The following DNAH7 variants were observed in gnomAD, a reference collection of about 807,000 sequenced individuals.
DNAH7 encodes the protein axonemal beta dynein heavy chain 7.
In DNAH7, 397 loss-of-function variants were observed where a neutral mutation model predicts 444.6. The observed-to-expected ratio is 0.89, with a 90% CI of 0.82 to 0.97. DNAH7 has a LOEUF of 0.97. Among genes scored for constraint, DNAH7 ranks in the 50% least tolerant of loss-of-function variants. DNAH7 has a pLI of 0.00. For missense variants in DNAH7, 4,902 were observed against 4,800.8 expected (o/e 1.02, Z -0.62); for synonymous variants, 1,636 against 1,624.4 (o/e 1.01, Z -0.17).
Position 196,068,429 on chromosome 2 carries a change from G to A in DNAH7, c.15+268C>T. On this transcript the variant is annotated intron_variant, in intron 1 of 64. Transcript: ENST00000312428. ...ACACCGCCATTAGCACTCTGGGGGT[G>A]CTCTGGGCTGTGGCTCCCCCTGCTG... The A allele has an allele frequency of 3.7e-6, 2 of 536,958 alleles. 1 individual carries two copies. The highest frequency in any genetic ancestry group is 5.3e-5 in the South Asian group (2 of 37,414). 33.3% of individuals were successfully genotyped at this position (536,958 alleles called of 1,614,324 possible).
intron 6 of DNAH7, among the ~76,000 whole-genome samples, chr2:196,027,627 C>T (rs964410366): frequency 4.0e-5 from 6 of 151,814 alleles, no homozygotes; most frequent in African/African-American, 1.2e-4. Flanking sequence ...TCCTAAAGTA[C>T]GTTAATATGC....
Position 195,858,790 on chromosome 2 carries a change from A to G in DNAH7, c.7751T>C (p.Met2584Thr), listed in dbSNP as rs1699863512. ...CAAACCCACTTCATATCTCTTTTTC[A>G]TTTTCATTACTTCACTGGAAGGAAA... is the stretch of plus-strand genomic sequence containing the variant. ...LEKKRSEVMK[M>T]KKRYEVGLEK... Residue 2584 changes from methionine (M) to threonine (T), a missense_variant, in exon 43 of 65, where the codon ATG becomes ACG. Coordinates refer to ENST00000312428, the MANE Select transcript of DNAH7 (RefSeq NM_018897.3). 1.2e-6 allele frequency: 2 copies of G among 1,606,136 alleles called. No individual in the cohort carries two copies. Among genetic ancestry groups the G allele is most frequent in the East Asian group, 4.5e-5 (2 of 44,784 alleles).
At chr2:196,024,597 T>G in intron 7 of DNAH7, 93 bp from the exon 8 acceptor site, 1 of 660,314 alleles carries the variant, frequency 1.5e-6, no homozygotes, top group Non-Finnish European at 2.3e-6. Context: ...TAAGATTAAC[T>G]GTTTAAATTA....
At chr2:196,064,356 AATAAATAAAT>A (rs1334431017) in intron 1 of DNAH7, among the ~76,000 whole-genome samples, 2 of 147,954 alleles carry the variant, frequency 1.4e-5, no homozygotes, top group African/African-American at 5.0e-5. Flanking sequence ...AATAATAAAT[AATAAATAAAT>A]AATAAAAAGA....
At chr2:195,756,085 T>A (rs374237635) in intron 62 of DNAH7, 48 bp downstream of exon 62, 1 of 1,538,120 alleles carries the variant, frequency 6.5e-7, no homozygotes, top group African/African-American at 1.4e-5. Context: ...ACGAAGAAAA[T>A]GAAACCAGGA....
chr2:195,785,674 T>C (rs1287849941), intron 58 of DNAH7, among the ~76,000 whole-genome samples: 2 of 151,712 alleles, frequency 1.3e-5, no homozygotes. Flanking sequence ...GATATGATCA[T>C]GTGGTTTTTC....
chr2:195,863,828 C>A (rs1331971629), intron 41 of DNAH7, among the ~76,000 whole-genome samples: 14 of 152,174 alleles, frequency 9.2e-5, no homozygotes, highest in Admixed American at 9.2e-4. Flanking sequence ...ACCCTGCCTA[C>A]CCCTCTGTGA....
chr2:195,847,719 C>T (rs1316799499), intron 46 of DNAH7, among the ~76,000 whole-genome samples: 2 of 152,082 alleles, frequency 1.3e-5, no homozygotes, highest in East Asian at 1.9e-4. Context: ...CAAGTATTTT[C>T]TTTATGTTAC....
chr2:195,835,571 T>C (rs1698324731), intron 47 of DNAH7, among the ~76,000 whole-genome samples: 1 of 152,048 alleles, frequency 6.6e-6, no homozygotes, highest in South Asian at 2.1e-4. Flanking sequence ...TTAGGCCGGG[T>C]GCGGTAGCTC....
chr2:195,858,754 TCCAGTTTCTCCAAAC>T lies in DNAH7; in HGVS notation c.7772_7786del (p.Gly2591_Leu2595del), dbSNP rs769187468. 2.5e-6 allele frequency: 4 copies of T among 1,613,610 alleles called. No homozygotes were observed. The African/African-American group carries it at 5.3e-5, about 22-fold the overall frequency. ...TGTGGCTACTTGAGATGAAGCAGAA[TCCAGTTTCTCCAAAC>T]CCACTTCATATCTCTTTTTCATTTT... On this transcript the variant is annotated inframe_deletion, in exon 43 of 65. Transcript: ENST00000312428.
At chr2:195,912,740 T>C (rs766323953) in intron 24 of DNAH7, among the ~76,000 whole-genome samples, 1 of 152,206 alleles carries the variant, frequency 6.6e-6, no homozygotes, top group Non-Finnish European at 1.5e-5. Context: ...CACAAGACAC[T>C]TGTCACATAT....
In DNAH7 at chr2:195,816,753, G is replaced by A. The variant is rs201071016; in HGVS notation, c.9636C>T (p.Ile3212=). Residue 3212 remains isoleucine, a synonymous_variant, in exon 51 of 65, where the codon ATC becomes ATT. Transcript: ENST00000312428. ...CTAAATCAGCAAGAGAAAAAAATAGGATGGAAGAATGGATGGCAATAGGAC... is the reference window on the plus strand; with the variant it reads ...CTAAATCAGCAAGAGAAAAAAATAGAATGGAAGAATGGATGGCAATAGGAC... ...GYRPIAIHSS[I]LFFSLADLAN... 3.7e-6 allele frequency: 6 copies of A among 1,614,148 alleles called. No individual in the cohort carries two copies. The Admixed American group carries it at 8.3e-5, about 22-fold the overall frequency.
chr2:195,977,531 A>C (rs1481176644), intron 15 of DNAH7, among the ~76,000 whole-genome samples: 1 of 152,176 alleles, frequency 6.6e-6, no homozygotes, highest in Non-Finnish European at 1.5e-5. Flanking sequence ...CAAATCTAAG[A>C]GTTATTGGCC....
chr2:195,771,882 T>G lies in DNAH7; in HGVS notation c.11211A>C (p.Ser3737=), dbSNP rs1355566502. Residue 3737 remains serine, a synonymous_variant, in exon 61 of 65, where the codon TCA becomes TCC. Transcript: ENST00000312428. ...FDNILLTQSR[S]AGAGAKSSDE... Reference sequence around the variant, plus strand: ...CTGATGATTTTGCACCAGCACCTGCTGAACGAGACTATGAAGAATCCAAAC... The same window carrying G: ...CTGATGATTTTGCACCAGCACCTGCGGAACGAGACTATGAAGAATCCAAAC... 1 of 1,614,110 alleles carries G rather than the reference T, an allele frequency of 6.2e-7. No individual in the cohort carries two copies. Among genetic ancestry groups the G allele is most frequent in the Non-Finnish European group, 8.5e-7 (1 of 1,179,934 alleles).
chr2:195,971,663 T>C (rs1691851189), intron 16 of DNAH7, among the ~76,000 whole-genome samples: 1 of 152,002 alleles, frequency 6.6e-6, no homozygotes, highest in African/African-American at 2.4e-5. Context: ...ATCTAGAAGT[T>C]GACAGGGTTA....
intron 18 of DNAH7, 117 bp from the exon 19 acceptor site, chr2:195,957,564 T>C: frequency 2.1e-6 from 1 of 479,514 alleles, no homozygotes; most frequent in Non-Finnish European, 3.5e-6. Context: ...ACAATTGTTA[T>C]ACATTATATA....
At chr2:196,019,480 C>A (rs541649933) in intron 8 of DNAH7, among the ~76,000 whole-genome samples, 185 bp from the exon 9 acceptor site, 9 of 151,922 alleles carry the variant, frequency 5.9e-5, no homozygotes, top group Non-Finnish European at 1.2e-4. Flanking sequence ...AGTATAATTT[C>A]ATTATAAAAA....
chr2:195,778,025 T>C, intron 58 of DNAH7, 40 bp from the exon 59 acceptor site: 1 of 1,505,234 alleles, frequency 6.6e-7, no homozygotes, highest in Non-Finnish European at 8.9e-7. Context: ...ATCAGTAGCA[T>C]GTTATACAGA....
At chr2:195,819,340 GTCGTC>G (rs1322522993) in intron 49 of DNAH7, among the ~76,000 whole-genome samples, 1 of 152,144 alleles carries the variant, frequency 6.6e-6, no homozygotes, top group South Asian at 2.1e-4. Flanking sequence ...TAGCACAGGG[GTCGTC>G]TCTTATTTGA....
Sources: gnomAD v4.1 joint callset for allele counts (sites outside exome capture counted in the v4.1 genomes callset) on GRCh38, gnomAD v4.1.1 for gene constraint, MANE v1.5 for transcripts, NCBI Gene and HGNC (gene_info 2026-07-23, HGNC 2026-07-21) for gene names.